SCN3A: variants seen among roughly 807,000 people sequenced by gnomAD.
SCN3A encodes the protein sodium channel protein type 3 subunit alpha.
Under a neutral mutation model 187.6 loss-of-function variants are expected in SCN3A, and 60 were observed. That is an observed-to-expected ratio of 0.32 (90% CI 0.26 to 0.40). The LOEUF is 0.40. Among genes scored for constraint, SCN3A ranks in the 10% least tolerant of loss-of-function variants. SCN3A has a pLI of 1.00. For synonymous variants in SCN3A, 788 were observed against 829.2 expected (o/e 0.95, Z 0.85); for missense variants, 1,601 against 2,428.2 (o/e 0.66, Z 7.16).
At chr2:165,175,355 A>G (rs1218108950) in intron 3 of SCN3A, among the ~76,000 whole-genome samples, 1 of 152,202 alleles carries the variant, frequency 6.6e-6, no homozygotes, top group African/African-American at 2.4e-5. Context: ...TTTCTATAAA[A>G]TATCACCCAG....
chr2:165,157,231 C>A (rs565018370), intron 9 of SCN3A, among the ~76,000 whole-genome samples: 86 of 152,194 alleles, frequency 5.7e-4, no homozygotes, highest in Non-Finnish European at 9.3e-4. Context: ...TCTTAATGTC[C>A]TTTTTTTGTT....
At chr2:165,132,821 T>A (rs1687423469) in intron 15 of SCN3A, among the ~76,000 whole-genome samples, 3 of 152,122 alleles carry the variant, frequency 2.0e-5, no homozygotes, top group South Asian at 2.1e-4. Context: ...CAGCAAAAGA[T>A]ACTACCGTCA....
intron 4 of SCN3A, 135 bp from the exon 5 acceptor site, chr2:165,168,960 TAAG>T: frequency 3.0e-6 from 2 of 659,118 alleles, no homozygotes; most frequent in East Asian, 2.8e-5. Context: ...GATAAAATAA[TAAG>T]AAACTTCAAA....
intron 12 of SCN3A, among the ~76,000 whole-genome samples, chr2:165,146,378 A>ATGTG (rs766552981): frequency 7.3e-6 from 1 of 137,418 alleles, no homozygotes; most frequent in East Asian, 2.0e-4. Flanking sequence ...TTATATATAT[A>ATGTG]TATATGTGTG....
intron 3 of SCN3A, 67 bp from the exon 4 acceptor site, chr2:165,170,615 T>C (rs1690042259): frequency 1.1e-6 from 1 of 943,914 alleles, no homozygotes; most frequent in African/African-American, 1.6e-5. Flanking sequence ...CTTACATACA[T>C]GAAGAACTTT....
intron 6 of SCN3A, 70 bp downstream of exon 6, chr2:165,164,322 C>T: frequency 1.3e-6 from 2 of 1,595,002 alleles, no homozygotes; most frequent in Non-Finnish European, 1.7e-6. Flanking sequence ...TAATATATGA[C>T]ACAAAGACCT....
At chr2:165,189,886 G>C (rs1285655970) in intron 1 of SCN3A, among the ~76,000 whole-genome samples, 3 of 151,778 alleles carry the variant, frequency 2.0e-5, no homozygotes, top group African/African-American at 7.3e-5. Context: ...TTATACTGAT[G>C]ACATGATATA....
intron 26 of SCN3A, chr2:165,094,069 T>C (rs757323400): frequency 3.9e-5 from 15 of 386,074 alleles, no homozygotes; most frequent in Non-Finnish European, 7.1e-5. Flanking sequence ...ATGGGAAGGC[T>C]AGAGGAGGAG....
chr2:165,178,024 A>T (rs1158070110), intron 2 of SCN3A, among the ~76,000 whole-genome samples: 1 of 152,068 alleles, frequency 6.6e-6, no homozygotes, highest in African/African-American at 2.4e-5. Context: ...GTAGTAGTTT[A>T]TCCCTAAATG....
intron 5 of SCN3A, among the ~76,000 whole-genome samples, chr2:165,165,811 A>T (rs181890489): frequency 1.3e-5 from 2 of 152,322 alleles, no homozygotes; most frequent in African/African-American, 4.8e-5. Flanking sequence ...ATCAAGAATA[A>T]TTTATGCAGA....
intron 18 of SCN3A, among the ~76,000 whole-genome samples, chr2:165,127,164 T>G (rs1267571177): frequency 6.6e-6 from 1 of 152,156 alleles, no homozygotes; most frequent in East Asian, 1.9e-4. Flanking sequence ...GCTTAAGCAA[T>G]CCTCCCACCT....
At chr2:165,113,497 T>C (rs1022684458) in intron 20 of SCN3A, among the ~76,000 whole-genome samples, 6 of 152,148 alleles carry the variant, frequency 3.9e-5, no homozygotes, top group Non-Finnish European at 7.4e-5. Flanking sequence ...AGTCCATAAA[T>C]GTTAATACAA....
At chr2:165,112,514 T>C (rs1020920087) in intron 21 of SCN3A, among the ~76,000 whole-genome samples, 1 of 152,246 alleles carries the variant, frequency 6.6e-6, no homozygotes, top group Non-Finnish European at 1.5e-5. Flanking sequence ...TCATTTTTTA[T>C]TTTGCTTCTT....
intron 22 of SCN3A, among the ~76,000 whole-genome samples, chr2:165,098,928 T>G (rs1685480521): frequency 1.3e-5 from 2 of 152,260 alleles, no homozygotes; most frequent in Non-Finnish European, 2.9e-5. Context: ...TTAAGTATTA[T>G]GAGTAATGGT....
chr2:165,162,387 A>G lies in SCN3A; in HGVS notation c.968-16T>C. On this transcript the variant is annotated splice_polypyrimidine_tract_variant and intron_variant, in intron 8 of 27. Coordinates refer to ENST00000283254, the MANE Select transcript of SCN3A (RefSeq NM_006922.4). ...TAAAAGTGACCTGTTAATACAAAAA[A>G]AAACCCATTTTATTTCATATTAATC... 3.1e-6 allele frequency: 5 copies of G among 1,612,768 alleles called. No individual in the cohort carries two copies. In the South Asian group the frequency reaches 5.5e-5, roughly 18 times the overall value.
intron 18 of SCN3A, among the ~76,000 whole-genome samples, chr2:165,121,345 TA>T (rs777916980): frequency 5.3e-5 from 8 of 152,148 alleles, no homozygotes; most frequent in Non-Finnish European, 1.2e-4. Context: ...AAAGTTTCCA[TA>T]AAGACTCTGA....
chr2:165,153,121 G>A (rs941204208), intron 11 of SCN3A, among the ~76,000 whole-genome samples: 3 of 151,694 alleles, frequency 2.0e-5, no homozygotes, highest in South Asian at 2.1e-4. Context: ...AAACTAAACA[G>A]AATAGAGTTC....
chr2:165,199,525 C>A (rs1692187236), intron 1 of SCN3A, among the ~76,000 whole-genome samples: 1 of 151,300 alleles, frequency 6.6e-6, no homozygotes, highest in Non-Finnish European at 1.5e-5. Context: ...CTTTAAAGTT[C>A]TTTCCAGAAT....
chr2:165,173,495 G>A (rs1484838424), intron 3 of SCN3A, among the ~76,000 whole-genome samples: 1 of 152,092 alleles, frequency 6.6e-6, no homozygotes, highest in Admixed American at 6.6e-5. Flanking sequence ...GACACAGTAT[G>A]AGCACAAGAA....
Sources: gnomAD v4.1 joint callset for allele counts (sites outside exome capture counted in the v4.1 genomes callset) on GRCh38, gnomAD v4.1.1 for gene constraint, MANE v1.5 for transcripts, NCBI Gene and HGNC (gene_info 2026-07-23, HGNC 2026-07-21) for gene names.